The following ATP2B2 variants were observed in gnomAD, a reference collection of about 807,000 sequenced individuals.
The protein encoded by ATP2B2 is ATPase plasma membrane Ca2+ transporting 2.
A neutral mutation model predicts 120.0 loss-of-function variants in ATP2B2; 15 were observed. The ratio of observed to expected loss-of-function variants is 0.12; its 90% CI spans 0.08 to 0.19. The LOEUF is 0.19. Ranked by LOEUF, ATP2B2 falls within the 10% of genes least tolerant of loss-of-function variation. ATP2B2 has a pLI of 1.00. For synonymous variants in ATP2B2, 694 were observed against 700.3 expected, an observed-to-expected ratio of 0.99 and a Z score of 0.14; for missense variants, 1,045 against 1,719.8, an observed-to-expected ratio of 0.61 and a Z score of 6.94.
chr3:10,566,678 T>C (rs527398423), intron 2 of ATP2B2, among the ~76,000 whole-genome samples: 46 of 152,334 alleles, frequency 3.0e-4, no homozygotes, highest in African/African-American at 1.0e-3. Context: ...AATACATTCA[T>C]AGATATACAT....
chr3:10,561,724 T>C (rs935279008), intron 2 of ATP2B2, among the ~76,000 whole-genome samples: 1 of 152,202 alleles, frequency 6.6e-6, no homozygotes, highest in African/African-American at 2.4e-5. Context: ...GTGTTTCCCC[T>C]TTTGCTTGGC....
Position 10,328,946 on chromosome 3 carries a change from C to G in ATP2B2, c.3600G>C (p.Ser1200=). 2 of 1,613,762 alleles carry G rather than the reference C, an allele frequency of 1.2e-6. No homozygotes were observed. Among genetic ancestry groups the G allele is most frequent in the Non-Finnish European group, 1.7e-6 (2 of 1,179,970 alleles). Residue 1200 remains serine (S), a synonymous_variant, in exon 23 of 23, where the codon TCG becomes TCC. Coordinates refer to ENST00000360273, the MANE Select transcript of ATP2B2 (RefSeq NM_001001331.4). ...TCTTGTTGAGGGATGACGGCGGGCT[C>G]GAGTTCTGCTTGAGCGCGGCATCTT... ...LEEDAALKQN[S]SPPSSLNKNN...
Position 10,511,747 on chromosome 3 carries a change from C to G in ATP2B2, c.-320+22292G>C, listed in dbSNP as rs188188880. ...GGAGAGCCCCTATTCCTAAATGGCCCCTCCAAGCTACCTACAACCTGACAC... is the reference window on the plus strand; with the variant it reads ...GGAGAGCCCCTATTCCTAAATGGCCGCTCCAAGCTACCTACAACCTGACAC... On this transcript the variant is annotated intron_variant, in intron 3 of 21. Transcript: ENST00000646379. 7.6e-4 allele frequency among the ~76,000 whole-genome samples: 115 copies of G among 152,240 alleles called. 1 individual carries two copies. Among genetic ancestry groups the G allele is most frequent in the African/African-American group, 2.6e-3 (110 of 41,520 alleles).
chr3:10,646,359 C>T (rs2070320934), intron 1 of ATP2B2, among the ~76,000 whole-genome samples: 1 of 152,136 alleles, frequency 6.6e-6, no homozygotes, highest in Non-Finnish European at 1.5e-5. Context: ...CCTGTCCCAT[C>T]CCAAACCGTC....
At chr3:10,493,501 C>CCT (rs2066014002) in intron 1 of ATP2B2, among the ~76,000 whole-genome samples, 1 of 152,282 alleles carries the variant, frequency 6.6e-6, no homozygotes, top group Admixed American at 6.5e-5. Flanking sequence ...GGCTTACAGG[C>CCT]TGCAGAAAGG....
chr3:10,510,913 C>T (rs138441711), intron 3 of ATP2B2, among the ~76,000 whole-genome samples: 3,412 of 152,266 alleles, frequency 0.022, 64 homozygotes, highest in Non-Finnish European at 0.034. Context: ...TCCTCCCCTG[C>T]CATCCCCTGG....
At chr3:10,539,549 C>T (rs116040530) in intron 2 of ATP2B2, among the ~76,000 whole-genome samples, 2,844 of 152,276 alleles carry the variant, frequency 0.019, 53 homozygotes, top group Admixed American at 0.046. Flanking sequence ...ACAGAGCCCT[C>T]GGAAATAATA....
chr3:10,394,566 G>A (rs1362602400), intron 5 of ATP2B2: 5 of 460,900 alleles, frequency 1.1e-5, no homozygotes, highest in Non-Finnish European at 1.8e-5. Context: ...AGTGCGGGCC[G>A]AGTAGCAGAC....
At chr3:10,372,195 T>G (rs2061263669) in intron 11 of ATP2B2, 144 bp from the exon 12 acceptor site, 1 of 1,203,958 alleles carries the variant, frequency 8.3e-7, no homozygotes, top group Non-Finnish European at 1.2e-6. Context: ...GTAAAGGATC[T>G]TGGTTGCTGC....
At chr3:10,341,079 C>T (rs2060262236) in intron 19 of ATP2B2, among the ~76,000 whole-genome samples, 1 of 152,132 alleles carries the variant, frequency 6.6e-6, no homozygotes, top group Admixed American at 6.5e-5. Flanking sequence ...TTTTGCGCTG[C>T]CCCGAGAGTG....
chr3:10,506,534 T>C (rs2125425881), upstream of ATP2B2, among the ~76,000 whole-genome samples: 1 of 152,280 alleles, frequency 6.6e-6, no homozygotes, highest in African/African-American at 2.4e-5. Context: ...TGCTGCTCTT[T>C]CAACTCCAGA....
chr3:10,635,393 A>G lies in ATP2B2; in HGVS notation c.-459-15432T>C, dbSNP rs935002592. On this transcript the variant is annotated intron_variant, in intron 1 of 21. Coordinates refer to the ATP2B2 transcript ENST00000646379. This position sits in a 1 kb window ranked among gnomAD's most constrained non-coding sequence, Gnocchi z 4.3. ...GAAAACAGCTCTAAAAGCCTCCTGC[A>G]TTTCCCTTCCCTCCTCCAGTGACAG... Among the ~76,000 whole-genome samples, 3 of 152,072 alleles carry G rather than the reference A, an allele frequency of 2.0e-5. No individual in the cohort carries two copies. The highest frequency in any genetic ancestry group is 2.9e-5 in the Non-Finnish European group (2 of 68,020).
At chr3:10,676,506 G>A (rs193071935) in intron 1 of ATP2B2, among the ~76,000 whole-genome samples, 35 of 151,690 alleles carry the variant, frequency 2.3e-4, no homozygotes, top group African/African-American at 8.2e-4. Flanking sequence ...TGGGGATGGG[G>A]AGGGAGGAGG....
At chr3:10,410,585 C>T (rs185523641) in intron 3 of ATP2B2, 33 bp downstream of exon 3, 157 of 1,570,620 alleles carry the variant, frequency 1.0e-4, no homozygotes, top group African/African-American at 3.5e-4. Context: ...GCCAGGTGTG[C>T]GGGGCGGTTC....
intron 5 of ATP2B2, among the ~76,000 whole-genome samples, chr3:10,392,701 G>C (rs1054952041): frequency 6.6e-6 from 1 of 152,204 alleles, no homozygotes. Context: ...GCACGGGGAG[G>C]GGTAGAGAGA....
intron 3 of ATP2B2, among the ~76,000 whole-genome samples, chr3:10,409,751 T>C (rs1481674633): frequency 1.3e-5 from 2 of 152,206 alleles, no homozygotes; most frequent in Non-Finnish European, 2.9e-5. Flanking sequence ...CCTTCTTATT[T>C]AGGGAAAATG....
At chr3:10,436,476 T>C (rs941131341) in intron 2 of ATP2B2, among the ~76,000 whole-genome samples, 10 of 152,214 alleles carry the variant, frequency 6.6e-5, no homozygotes, top group Non-Finnish European at 1.5e-4. Flanking sequence ...CCCTCGCAAC[T>C]AGAGAGCTGG....
chr3:10,590,943 G>T (rs1418594115), intron 2 of ATP2B2, among the ~76,000 whole-genome samples: 2 of 152,062 alleles, frequency 1.3e-5, no homozygotes, highest in East Asian at 3.9e-4. Context: ...CACCAGGTGA[G>T]GACTTCCTAC....
At chr3:10,664,778 GC>G (rs2070883481) in intron 1 of ATP2B2, among the ~76,000 whole-genome samples, 1 of 152,176 alleles carries the variant, frequency 6.6e-6, no homozygotes, top group South Asian at 2.1e-4. Context: ...AATAGAGAAA[GC>G]CACCTTTGCC....
Sources: allele counts gnomAD v4.1 joint callset (sites outside exome capture counted in the v4.1 genomes callset), GRCh38; gene constraint gnomAD v4.1.1; non-coding constraint Gnocchi (gnomAD v3.1); transcripts MANE v1.5; gene names NCBI Gene and HGNC (gene_info 2026-07-23, HGNC 2026-07-21).